NHS: variants seen among roughly 807,000 people sequenced by gnomAD.
NHS encodes the protein NHS actin remodeling regulator.
Under a neutral mutation model 72.5 loss-of-function variants are expected in NHS, and 5 were observed. That is an observed-to-expected ratio of 0.07 (90% confidence interval 0.04 to 0.14). The LOEUF (loss-of-function observed/expected upper bound fraction) is 0.14. Ranked by LOEUF, NHS falls within the 10% of genes least tolerant of loss-of-function variation. The probability of loss-of-function intolerance (pLI) is 1.00; values close to 1 mark genes in which losing one functional copy is unlikely to be tolerated. For missense variants in NHS, 1,072 were observed against 1,355.7 expected (o/e 0.79, Z 3.29); for synonymous variants, 464 against 547.7 (o/e 0.85, Z 2.13).
Position 17,640,891 on chromosome X carries a change from C to T in NHS, c.566-46851C>T, listed in dbSNP as rs767104248. On this transcript the variant is annotated intron_variant, in intron 1 of 8. Coordinates refer to ENST00000676302, the MANE Select transcript of NHS (RefSeq NM_001291867.2). ...TTCTGCATCCCAACTAATACAGGCC[C>T]ATAGTCCCTGCTTTGAAAACCAGGG... 4.4e-5 allele frequency among the ~76,000 whole-genome samples: 5 copies of T among 112,400 alleles called. No individual in the cohort carries two copies. In the South Asian group the frequency reaches 1.9e-3, roughly 42 times the overall value.
At chrX:17,687,410 C>T in intron 1 of NHS, 1 of 274,455 alleles carries the variant, frequency 3.6e-6, no homozygotes, top group Non-Finnish European at 6.6e-6. Context: ...CCCATCTCCA[C>T]CCCCAAGCAG....
rs751989692 is a variant in NHS at position 17,510,140 on chromosome X, T to C, written c.565+133818T>C. Reference sequence around the variant, plus strand: ...CGTTGACTACAACTAGAAACTGTTATTTTATTTCTCTTTTTCAGTGTCTCT... The same window carrying C: ...CGTTGACTACAACTAGAAACTGTTACTTTATTTCTCTTTTTCAGTGTCTCT... On this transcript the variant is annotated intron_variant, in intron 1 of 8. Transcript: ENST00000676302. Among the ~76,000 whole-genome samples, 24 of 112,730 alleles carry C rather than the reference T, an allele frequency of 2.1e-4. No individual in the cohort carries two copies. The South Asian group carries it at 8.8e-3, about 41-fold the overall frequency.
intron 1 of NHS, among the ~76,000 whole-genome samples, chrX:17,387,508 A>G (rs1326832059): frequency 8.9e-6 from 1 of 112,169 alleles, no homozygotes; most frequent in East Asian, 2.8e-4. Flanking sequence ...GAGTGTCAGA[A>G]TGCTTTTCCC....
intron 1 of NHS, among the ~76,000 whole-genome samples, chrX:17,661,764 G>A (rs1447077488): frequency 1.8e-5 from 2 of 112,073 alleles, no homozygotes; most frequent in Non-Finnish European, 3.8e-5. Context: ...GGCTAGGCGC[G>A]GTGGCTGACA....
chrX:17,409,941 G>T (rs1031076763), intron 1 of NHS, among the ~76,000 whole-genome samples: 1 of 111,800 alleles, frequency 8.9e-6, no homozygotes, highest in African/African-American at 3.3e-5. Context: ...GAAATTTTAT[G>T]TACTTAATGC....
chrX:17,632,802 GTAT>G (rs1458013304), intron 1 of NHS, among the ~76,000 whole-genome samples: 1 of 111,544 alleles, frequency 9.0e-6, no homozygotes, highest in Non-Finnish European at 1.9e-5. Flanking sequence ...ATGCCTTTTA[GTAT>G]TATTATTGTT....
intron 1 of NHS, among the ~76,000 whole-genome samples, chrX:17,414,595 C>T (rs2064581378): frequency 8.9e-6 from 1 of 111,741 alleles, no homozygotes; most frequent in Admixed American, 9.5e-5. Context: ...TAAGACGTTA[C>T]TAGCAGTTTG....
At chrX:17,643,925 C>T (rs2065893790) in intron 1 of NHS, among the ~76,000 whole-genome samples, 1 of 111,692 alleles carries the variant, frequency 9.0e-6, no homozygotes, top group Non-Finnish European at 1.9e-5. Flanking sequence ...TGGTGTTTTT[C>T]CATGATGAGA....
intron 1 of NHS, among the ~76,000 whole-genome samples, chrX:17,454,523 G>C (rs1158576878): frequency 8.9e-6 from 1 of 112,390 alleles, no homozygotes; most frequent in African/African-American, 3.2e-5. Flanking sequence ...CAGTTCAGCA[G>C]CTGAATGTTG....
intron 1 of NHS, among the ~76,000 whole-genome samples, chrX:17,654,371 G>A (rs1390987052): frequency 2.7e-5 from 3 of 112,036 alleles, no homozygotes; most frequent in Non-Finnish European, 5.6e-5. Flanking sequence ...GTCTTCCGGG[G>A]GACTTCCACC....
intron 1 of NHS, among the ~76,000 whole-genome samples, chrX:17,555,118 C>T (rs12836443): frequency 0.026 from 2,897 of 110,658 alleles, 44 homozygotes; most frequent in Middle Eastern, 0.06. Flanking sequence ...CTACAGTGAC[C>T]GTTAATCTTT....
At position 17,475,535 on chromosome X, in the gene NHS, C is replaced by A. The variant is rs183044010; in HGVS notation, c.565+99213C>A. ...TTCTGTTTCCCGTTTTCTAGTTTGTCCTTTAGGACAAATTTGCATCTTAGT... is the reference window on the plus strand; with the variant it reads ...TTCTGTTTCCCGTTTTCTAGTTTGTACTTTAGGACAAATTTGCATCTTAGT... On this transcript the variant is annotated intron_variant, in intron 1 of 8. Transcript: ENST00000676302. Among the ~76,000 whole-genome samples, 3 of 111,672 alleles carry A rather than the reference C, an allele frequency of 2.7e-5. No individual in the cohort carries two copies. In the East Asian group the frequency reaches 8.5e-4, roughly 32 times the overall value.
chrX:17,381,070 C>T (rs900399738), intron 1 of NHS, among the ~76,000 whole-genome samples: 4 of 110,650 alleles, frequency 3.6e-5, no homozygotes, highest in Admixed American at 2.9e-4. Context: ...AGGGAGGGAA[C>T]GTGAAGGCAT....
chrX:17,558,274 C>T (rs2065391862), intron 1 of NHS, among the ~76,000 whole-genome samples: 1 of 112,432 alleles, frequency 8.9e-6, no homozygotes, highest in African/African-American at 3.2e-5. Context: ...CTAAATCTTT[C>T]CTGTGCCTCC....
At position 17,725,749 on chromosome X, in the gene NHS, C is replaced by G. The variant is rs769917285; in HGVS notation, c.1643C>G (p.Ala548Gly). Reference protein sequence around the residue: ...HERTPNDFSEAPSSPSAQDHQ... With the variant: ...HERTPNDFSEGPSSPSAQDHQ... ...AGAACCCCTAATGATTTCAGTGAGG[C>G]TCCAAGCAGCCCGAGTGCCCAGGAC... Residue 548 changes from alanine to glycine, a missense_variant, in exon 7 of 9, where the codon GCT becomes GGT. Physicochemically the swap from Ala to Gly is moderately conservative, Grantham distance 60. Coordinates refer to ENST00000676302, the MANE Select transcript of NHS (RefSeq NM_001291867.2). 3 of 1,209,181 alleles carry G rather than the reference C, an allele frequency of 2.5e-6. No individual in the cohort carries two copies. Among genetic ancestry groups the G allele is most frequent in the Non-Finnish European group, 3.4e-6 (3 of 895,087 alleles).
chrX:17,655,371 A>G (rs2065948437), intron 1 of NHS, among the ~76,000 whole-genome samples: 1 of 111,931 alleles, frequency 8.9e-6, no homozygotes, highest in Non-Finnish European at 1.9e-5. Context: ...CGGTCGCGCT[A>G]CGGGAGAAGG....
intron 1 of NHS, among the ~76,000 whole-genome samples, chrX:17,588,283 C>A (rs1016025063): frequency 2.3e-4 from 26 of 111,598 alleles, no homozygotes; most frequent in African/African-American, 8.2e-4. Flanking sequence ...TCCTAGATGC[C>A]AGGGTTGGGG....
At chrX:17,592,397 A>T (rs1399009242) in intron 1 of NHS, among the ~76,000 whole-genome samples, 2 of 111,925 alleles carry the variant, frequency 1.8e-5, no homozygotes, top group Non-Finnish European at 3.8e-5. Context: ...CCCCCTGGGT[A>T]TTCTAGAATG....
intron 1 of NHS, among the ~76,000 whole-genome samples, chrX:17,427,488 C>G (rs1157701410): frequency 1.8e-5 from 2 of 112,601 alleles, no homozygotes; most frequent in Non-Finnish European, 3.7e-5. Context: ...GAGTGACTTG[C>G]TGAGTGTTTG....
Sources: gnomAD v4.1 joint callset for allele counts (sites outside exome capture counted in the v4.1 genomes callset) on GRCh38, gnomAD v4.1.1 for gene constraint, MANE v1.5 for transcripts, NCBI Gene and HGNC (gene_info 2026-07-23, HGNC 2026-07-21) for gene names.